The following MDM1 variants were observed in gnomAD, a reference collection of about 807,000 sequenced individuals.
MDM1 encodes Mdm1 nuclear protein.
In MDM1, 61 loss-of-function variants were observed where a neutral mutation model predicts 89.1. The ratio of observed to expected loss-of-function variants is 0.68; its 90% CI spans 0.56 to 0.85. MDM1 has a LOEUF of 0.85. MDM1 is among the 40% of genes least tolerant of loss of function. The probability of loss-of-function intolerance (pLI) is 0.00; values close to 1 mark genes in which losing one functional copy is unlikely to be tolerated. For missense variants in MDM1, 820 were observed against 846.5 expected (o/e 0.97, Z 0.39); for synonymous variants, 290 against 294.1 (o/e 0.99, Z 0.14).
rs144131925 is a variant in MDM1, at chr12:68,313,757, T to C, written c.1530-4A>G. 245 of 1,597,034 alleles carry C rather than the reference T, an allele frequency of 1.5e-4. 1 individual carries two copies. In the East Asian group the frequency reaches 5.1e-3, roughly 33 times the overall value. On this transcript the variant is annotated splice_polypyrimidine_tract_variant and splice_region_variant and intron_variant, in intron 10 of 14. Coordinates refer to ENST00000682720, the MANE Select transcript of MDM1 (RefSeq NM_001354969.2). ...TGAGGATACAGAAGAATCTGACCTA[T>C]AAATTGAAACAATCTATGAATCTAT... is the stretch of plus-strand genomic sequence containing the variant.
chr12:68,313,487 T>C lies in MDM1; in HGVS notation c.1705A>G (p.Thr569Ala). 1 of 1,613,974 alleles carries C rather than the reference T, an allele frequency of 6.2e-7. No homozygotes were observed. Among genetic ancestry groups the C allele is most frequent in the Admixed American group, 1.7e-5 (1 of 60,024 alleles). Residue 569 changes from threonine (T) to alanine (A), a missense_variant, in exon 12 of 15, where the codon ACC becomes GCC. Thr to Ala is a moderately conservative substitution (Grantham distance 58). Coordinates refer to ENST00000682720, the MANE Select transcript of MDM1 (RefSeq NM_001354969.2). ...PPAPEQRKRM[T>A]SQDCLETSKN... ...GAAGTTTCTAAACAATCCTGAGAGG[T>C]CATTCTTTTCCTCTGTTCTGGGGCT...
chr12:68,312,678 G>GA (rs2120943776), intron 12 of MDM1, among the ~76,000 whole-genome samples: 1 of 152,126 alleles, frequency 6.6e-6, no homozygotes, highest in East Asian at 1.9e-4. Context: ...ACTGCATACA[G>GA]AAAAAAATTC....
intron 12 of MDM1, among the ~76,000 whole-genome samples, chr12:68,305,109 T>C (rs1239825194): frequency 6.6e-6 from 1 of 152,202 alleles, no homozygotes; most frequent in Non-Finnish European, 1.5e-5. Flanking sequence ...GGAGAAATCC[T>C]TTCTCTTTGA....
rs17224810 is a variant in MDM1, at chr12:68,316,112, C to T, written c.1177G>A (p.Val393Ile). The T allele has an allele frequency of 0.2, 318,688 of 1,612,288 alleles. 33,803 individuals are homozygous for T. Among genetic ancestry groups the T allele is most frequent in the Admixed American group, 0.3 (17,991 of 59,692 alleles). The change falls in exon 9 of 15, where the codon GTT becomes ATT. Residue 393 changes from valine (V) to isoleucine (I), a missense_variant. Physicochemically the swap from Val to Ile is conservative, Grantham distance 29 (BLOSUM62 3). Coordinates refer to ENST00000682720, the MANE Select transcript of MDM1 (RefSeq NM_001354969.2). ...VSSTTSSEGTVSSNIRALDLA... is the reference protein window; with the variant it reads ...VSSTTSSEGTISSNIRALDLA... Reference sequence around the variant, plus strand: ...TCTAATGCTCTGATGTTGCTACTAACGGTTCCTTCTGAGCTTGTGGTTGAG... The same window carrying T: ...TCTAATGCTCTGATGTTGCTACTAATGGTTCCTTCTGAGCTTGTGGTTGAG...
At chr12:68,302,986 GAGAATTT>G in intron 12 of MDM1, 114 bp from the exon 13 acceptor site, 1 of 553,386 alleles carries the variant, frequency 1.8e-6, no homozygotes, top group Non-Finnish European at 2.9e-6. Flanking sequence ...AGAAATATGA[GAGAATTT>G]ATGCAACATC....
At chr12:68,327,482 G>A (rs766863345) in intron 2 of MDM1, 7 of 1,535,928 alleles carry the variant, frequency 4.6e-6, no homozygotes, top group Non-Finnish European at 6.1e-6. Context: ...CACTGTGCTG[G>A]ATCTTGGTTC....
intron 12 of MDM1, among the ~76,000 whole-genome samples, chr12:68,309,112 T>G (rs1873339950): frequency 6.6e-6 from 1 of 152,242 alleles, no homozygotes; most frequent in African/African-American, 2.4e-5. Context: ...TGAAAATATT[T>G]CAATGGCTTC....
chr12:68,304,971 T>C (rs982914354), intron 12 of MDM1, among the ~76,000 whole-genome samples: 5 of 152,240 alleles, frequency 3.3e-5, no homozygotes, highest in East Asian at 1.9e-4. Flanking sequence ...TTCAGTCTGA[T>C]AGTATTTTGT....
At position 68,295,258 on chromosome 12, in the gene MDM1, G is replaced by A. The variant is rs1871217643; in HGVS notation, c.2171C>T (p.Thr724Ile). 1.2e-6 allele frequency: 2 copies of A among 1,609,026 alleles called. No homozygotes were observed. Among genetic ancestry groups the A allele is most frequent in the Middle Eastern group, 1.7e-4 (1 of 6,036 alleles). ...ATAAAGGCAACTCAGCTAGGTTTAT[G>A]TTTTACCCCAGAAATTCTCCTTCCT... ...KKRKENFWGK[T>I] The change falls in exon 15 of 15, where the codon ACA (threonine) becomes ATA (isoleucine). Residue 724 changes from threonine (T) to isoleucine (I), a missense_variant. Coordinates refer to ENST00000682720, the MANE Select transcript of MDM1 (RefSeq NM_001354969.2).
intron 12 of MDM1, among the ~76,000 whole-genome samples, chr12:68,303,748 T>C (rs978551051): frequency 6.6e-6 from 1 of 152,198 alleles, no homozygotes; most frequent in African/African-American, 2.4e-5. Flanking sequence ...TTATAAAACC[T>C]TTCTACACTA....
intron 13 of MDM1, among the ~76,000 whole-genome samples, chr12:68,301,438 G>A (rs549718110): frequency 5.3e-5 from 8 of 152,210 alleles, no homozygotes; most frequent in East Asian, 1.9e-4. Flanking sequence ...AGAGTGATAC[G>A]ATAGACTGTG....
At chr12:68,314,488 T>C (rs948392157) in intron 10 of MDM1, among the ~76,000 whole-genome samples, 4 of 152,184 alleles carry the variant, frequency 2.6e-5, no homozygotes, top group African/African-American at 7.2e-5. Context: ...ACTATTATCA[T>C]AGGTGGAGAA....
intron 7 of MDM1, among the ~76,000 whole-genome samples, chr12:68,318,421 T>C (rs1398880820): frequency 6.6e-6 from 1 of 152,194 alleles, no homozygotes; most frequent in Non-Finnish European, 1.5e-5. Context: ...AGAGTATACT[T>C]CATAAAAATT....
At chr12:68,308,270 C>T (rs1387576726) in intron 12 of MDM1, among the ~76,000 whole-genome samples, 4 of 152,026 alleles carry the variant, frequency 2.6e-5, no homozygotes, top group African/African-American at 9.7e-5. Context: ...GGACTATAGG[C>T]GTGTGCCACC....
chr12:68,328,054 T>C (rs1317316971), intron 2 of MDM1, among the ~76,000 whole-genome samples: 3 of 152,136 alleles, frequency 2.0e-5, no homozygotes, highest in African/African-American at 7.2e-5. Flanking sequence ...TTTCCCACTT[T>C]AGAGAAGAAA....
rs1874319717 is a variant in MDM1, at chr12:68,315,228, A to G, written c.1249T>C (p.Ser417Pro). The G allele has an allele frequency of 2.5e-6, 4 of 1,614,034 alleles. No homozygotes were observed. The African/African-American group carries it at 5.3e-5, about 22-fold the overall frequency. The change falls in exon 10 of 15, where the codon TCT becomes CCT. Residue 417 changes from serine to proline, a missense_variant. By Grantham distance (74) the Ser-to-Pro change is moderately conservative (BLOSUM62 -1). Coordinates refer to ENST00000682720, the MANE Select transcript of MDM1 (RefSeq NM_001354969.2). Reference protein sequence around the residue: ...TSHKTLQKCPSTEPEEKGNIV... With the variant: ...TSHKTLQKCPPTEPEEKGNIV... The stretch of plus-strand genomic sequence containing the variant: ...TTTCCTTTTTCTTCTGGTTCTGTAG[A>G]AGGACATTTCTGCAAAGTCTTATGG...
rs781346598 is a variant in MDM1 at position 68,316,269 on chromosome 12, C to T, written c.1036-16G>A. On this transcript the variant is annotated splice_polypyrimidine_tract_variant and intron_variant, in intron 8 of 14. Coordinates refer to ENST00000682720, the MANE Select transcript of MDM1 (RefSeq NM_001354969.2). ...GTTCTTTAACCTATTCAGGAGAGTT[C>T]AGACATCATATACTATTGTAAATGC... The T allele has an allele frequency of 1.1e-5, 18 of 1,604,604 alleles. No homozygotes were observed. In the Middle Eastern group the frequency reaches 8.5e-4, roughly 76 times the overall value.
At chr12:68,331,809 T>C (rs890341685) in intron 1 of MDM1, among the ~76,000 whole-genome samples, 1 of 152,244 alleles carries the variant, frequency 6.6e-6, no homozygotes, top group African/African-American at 2.4e-5. Flanking sequence ...TTATACGCTG[T>C]CTTTACTAAG....
chr12:68,325,136 A>G (rs1025998185), intron 4 of MDM1: 1 of 986,840 alleles, frequency 1.0e-6, no homozygotes, highest in Non-Finnish European at 1.2e-6. Flanking sequence ...TAATTTTTTA[A>G]TAAGTAAAAA....
Sources: allele counts gnomAD v4.1 joint callset (sites outside exome capture counted in the v4.1 genomes callset), GRCh38; gene constraint gnomAD v4.1.1; transcripts MANE v1.5; gene names NCBI Gene and HGNC (gene_info 2026-07-23, HGNC 2026-07-21).